FAP: variants seen among roughly 807,000 people sequenced by gnomAD.
FAP encodes prolyl endopeptidase FAP.
Under a neutral mutation model 126.5 loss-of-function variants are expected in FAP, and 110 were observed. That is an observed-to-expected ratio of 0.87 (90% CI 0.74 to 1.02). The LOEUF (loss-of-function observed/expected upper bound fraction) is 1.02. Ranked by LOEUF, FAP falls within the 50% of genes least tolerant of loss-of-function variation. The probability of loss-of-function intolerance (pLI) is 0.00; values close to 1 mark genes in which losing one functional copy is unlikely to be tolerated. For missense variants in FAP, 919 were observed against 909.2 expected, an observed-to-expected ratio of 1.01 and a Z score of -0.14; for synonymous variants, 334 against 297.3, an observed-to-expected ratio of 1.12 and a Z score of -1.27.
chr2:162,195,667 T>C (rs1219904672), intron 16 of FAP, among the ~76,000 whole-genome samples: 1 of 152,140 alleles, frequency 6.6e-6, no homozygotes, highest in Non-Finnish European at 1.5e-5. Context: ...TATTCCAACA[T>C]GCATTCAGCT....
At chr2:162,204,751 C>T (rs1337323157) in intron 12 of FAP, among the ~76,000 whole-genome samples, 1 of 152,086 alleles carries the variant, frequency 6.6e-6, no homozygotes. Flanking sequence ...ACAAAGTTTG[C>T]CATAACTTAT....
At position 162,242,926 on chromosome 2, in the gene FAP, C is replaced by T; in HGVS notation, c.73G>A (p.Val25Ile). 5 of 1,613,046 alleles carry T rather than the reference C, an allele frequency of 3.1e-6. No homozygotes were observed. The highest frequency in any genetic ancestry group is 1.1e-5 in the South Asian group (1 of 90,954). The change falls in exon 2 of 26, where the codon GTC (valine) becomes ATC (isoleucine). Residue 25 changes from valine to isoleucine, a missense_variant. Val to Ile is a conservative substitution (Grantham distance 29). Coordinates refer to ENST00000188790, the MANE Select transcript of FAP (RefSeq NM_004460.5). ...TTCTTACCTCTTGAAGGGCGTAAGA[C>T]AATGCACATCACCAATAAGGCAAGC... ...AVLALLVMCI[V>I]LRPSRVHNSE...
At chr2:162,183,833 A>G (rs1687773627) in intron 20 of FAP, among the ~76,000 whole-genome samples, 1 of 152,120 alleles carries the variant, frequency 6.6e-6, no homozygotes. Context: ...ATCCCCAGCT[A>G]TCGGAAAGAA....
At position 162,209,941 on chromosome 2, in the gene FAP, C is replaced by T. The variant is rs1238044713; in HGVS notation, c.1047+11G>A. 6.2e-7 allele frequency: 1 copy of T among 1,611,494 alleles called. No homozygotes were observed. Among genetic ancestry groups the T allele is most frequent in the Non-Finnish European group, 8.5e-7 (1 of 1,178,454 alleles). On this transcript the variant is annotated intron_variant, in intron 12 of 25. Coordinates refer to ENST00000188790, the MANE Select transcript of FAP (RefSeq NM_004460.5). The stretch of plus-strand genomic sequence containing the variant: ...TCATTAAAACATAAGAAAAAGATAG[C>T]AAAATCATACTCCACCAGCCCATCC...
chr2:162,235,525 A>G lies in FAP; in HGVS notation c.91+7383T>C, dbSNP rs550891213. Among the ~76,000 whole-genome samples, 7 of 152,210 alleles carry G rather than the reference A, an allele frequency of 4.6e-5. No individual in the cohort carries two copies. The South Asian group carries it at 1.5e-3, about 32-fold the overall frequency. Reference sequence around the variant, plus strand: ...AGGGTTTGTAAATACACCCATTGACACTCTGTATCTAGGCAATAGGTGGAG... The same window carrying G: ...AGGGTTTGTAAATACACCCATTGACGCTCTGTATCTAGGCAATAGGTGGAG... On this transcript the variant is annotated intron_variant, in intron 2 of 25. Coordinates refer to ENST00000188790, the MANE Select transcript of FAP (RefSeq NM_004460.5).
chr2:162,225,389 G>A (rs1689595171), intron 4 of FAP, 94 bp downstream of exon 4: 1 of 1,491,622 alleles, frequency 6.7e-7, no homozygotes, highest in African/African-American at 1.4e-5. Context: ...GGCAAGTTGT[G>A]TCCAGATCAG....
intron 14 of FAP, among the ~76,000 whole-genome samples, chr2:162,202,029 C>T (rs898592341): frequency 5.9e-5 from 9 of 152,210 alleles, no homozygotes; most frequent in African/African-American, 7.2e-5. Context: ...AATAGATTTC[C>T]GACAGGCTTT....
intron 24 of FAP, 50 bp downstream of exon 24, chr2:162,173,099 G>T (rs758148902): frequency 1.3e-6 from 2 of 1,523,948 alleles, no homozygotes; most frequent in Non-Finnish European, 1.8e-6. Context: ...CTTAAACAAA[G>T]TGATGCTGGC....
At chr2:162,236,897 T>C (rs1182908680) in intron 2 of FAP, among the ~76,000 whole-genome samples, 2 of 152,166 alleles carry the variant, frequency 1.3e-5, no homozygotes, top group East Asian at 1.9e-4. Context: ...TGGCCTGTTA[T>C]CTGTTTTCTT....
chr2:162,201,819 C>A (rs1688509827), intron 14 of FAP, among the ~76,000 whole-genome samples: 1 of 152,218 alleles, frequency 6.6e-6, no homozygotes, highest in Admixed American at 6.5e-5. Context: ...CATTGCCACT[C>A]TTCTAGTTCA....
intron 2 of FAP, among the ~76,000 whole-genome samples, chr2:162,227,496 A>G (rs1041461030): frequency 6.6e-6 from 1 of 152,156 alleles, no homozygotes; most frequent in Non-Finnish European, 1.5e-5. Flanking sequence ...CAATATTGCC[A>G]TTCTCCATCT....
chr2:162,229,554 G>C (rs994292625), intron 2 of FAP, among the ~76,000 whole-genome samples: 3 of 152,084 alleles, frequency 2.0e-5, no homozygotes, highest in East Asian at 1.9e-4. Context: ...AAAATCATAA[G>C]TGCAATTTGT....
At chr2:162,225,906 A>G (rs1689626596) in intron 3 of FAP, among the ~76,000 whole-genome samples, 2 of 152,132 alleles carry the variant, frequency 1.3e-5, no homozygotes, top group South Asian at 4.1e-4. Flanking sequence ...ATAAACATAA[A>G]TTACATTTAA....
At chr2:162,197,511 T>G in intron 16 of FAP, 1 of 456,336 alleles carries the variant, frequency 2.2e-6, no homozygotes, top group Non-Finnish European at 4.4e-6. Context: ...CAACAATCTC[T>G]TGACATTTCA....
chr2:162,203,233 T>C, intron 12 of FAP, 88 bp from the exon 13 acceptor site: 1 of 751,462 alleles, frequency 1.3e-6, no homozygotes, highest in Non-Finnish European at 2.2e-6. Context: ...CGACGTATGG[T>C]CATAGTTATA....
At chr2:162,178,998 T>A (rs551685378) in intron 21 of FAP, among the ~76,000 whole-genome samples, 1 of 152,298 alleles carries the variant, frequency 6.6e-6, no homozygotes, top group Admixed American at 6.5e-5. Flanking sequence ...CTTTGATATC[T>A]GTCCCTGGTA....
At chr2:162,195,191 C>G (rs996552645) in intron 16 of FAP, among the ~76,000 whole-genome samples, 6 of 151,990 alleles carry the variant, frequency 3.9e-5, no homozygotes, top group Admixed American at 2.6e-4. Context: ...TGGGTAAAAT[C>G]GAGTATTTTT....
In FAP at chr2:162,173,781, A is replaced by G; in HGVS notation, c.1976T>C (p.Val659Ala). 1.9e-6 allele frequency: 3 copies of G among 1,596,826 alleles called. No homozygotes were observed. Among genetic ancestry groups the G allele is most frequent in the Non-Finnish European group, 2.6e-6 (3 of 1,164,636 alleles). The change falls in exon 23 of 26, where the codon GTC becomes GCC. Residue 659 changes from valine (V) to alanine (A), a missense_variant. Transcript: ENST00000188790. ...PVSSWEYYAS[V>A]YTERFMGLPT... ...GAGACCCATGAATCTCTCTGTGTAGACAGACGCTATAAAATATATGAGAAT... is the reference window on the plus strand; with the variant it reads ...GAGACCCATGAATCTCTCTGTGTAGGCAGACGCTATAAAATATATGAGAAT...
chr2:162,189,865 G>C lies in FAP; in HGVS notation c.1451-111C>G, dbSNP rs570103133. ...GTGAAACTGAAACTGTGAAAAGCTC[G>C]CTTAAGAAGTGAAGTTTCATATTGA... is the stretch of plus-strand genomic sequence containing the variant. On this transcript the variant is annotated intron_variant, in intron 17 of 25. Transcript: ENST00000188790. The C allele has an allele frequency of 2.7e-5, 17 of 622,348 alleles. No homozygotes were observed. The African/African-American group carries it at 3.2e-4, about 12-fold the overall frequency. 38.6% of individuals were successfully genotyped at this position (622,348 alleles called of 1,614,324 possible).
Sources: gnomAD v4.1 joint callset for allele counts (sites outside exome capture counted in the v4.1 genomes callset) on GRCh38, gnomAD v4.1.1 for gene constraint, MANE v1.5 for transcripts, NCBI Gene and HGNC (gene_info 2026-07-23, HGNC 2026-07-21) for gene names.